MAST3: variants seen among roughly 807,000 people sequenced by gnomAD.
The protein encoded by MAST3 is microtubule associated serine/threonine kinase 3.
In MAST3, 43 loss-of-function variants were observed where a neutral mutation model predicts 127.0. That is an observed-to-expected ratio of 0.34 (90% CI 0.27 to 0.44). MAST3 has a LOEUF of 0.44. MAST3 is among the 20% of genes least tolerant of loss of function. MAST3 has a pLI of 1.00. For synonymous variants in MAST3, 785 were observed against 809.2 expected (o/e 0.97, Z 0.51); for missense variants, 1,390 against 1,919.1 (o/e 0.72, Z 5.15).
In MAST3 at chr19:18,120,020, C is replaced by T. The variant is rs181108640; in HGVS notation, c.162-1665C>T. ...GCAACTGCTCTGGTGGGGCGGGGGA[C>T]GGTGTCGCTCCCAACTTCCTTCTGT... is the stretch of plus-strand genomic sequence containing the variant. On this transcript the variant is annotated intron_variant, in intron 3 of 27. Coordinates refer to ENST00000687212, the MANE Select transcript of MAST3 (RefSeq NM_001393504.1). Among the ~76,000 whole-genome samples the T allele has an allele frequency of 3.9e-3, 600 of 152,198 alleles. 4 individuals carry two copies. The highest frequency in any genetic ancestry group is 6.8e-3 in the Middle Eastern group (2 of 294).
intron 1 of MAST3, among the ~76,000 whole-genome samples, chr19:18,104,692 CCT>C (rs1301908740): frequency 6.6e-6 from 1 of 152,062 alleles, no homozygotes; most frequent in Non-Finnish European, 1.5e-5. Flanking sequence ...CAGTTTCCTG[CCT>C]CTCACTCCAC....
In MAST3 at chr19:18,145,280, C is replaced by A; in HGVS notation, c.3039+51C>A. The A allele has an allele frequency of 1.9e-6, 3 of 1,544,366 alleles. No homozygotes were observed. The highest frequency in any genetic ancestry group is 2.7e-6 in the Non-Finnish European group (3 of 1,118,978). On this transcript the variant is annotated intron_variant, in intron 24 of 27. Coordinates refer to ENST00000687212, the MANE Select transcript of MAST3 (RefSeq NM_001393504.1). This position sits in a 1 kb window ranked among gnomAD's most constrained non-coding sequence, Gnocchi z 5.9. Reference sequence around the variant, plus strand: ...GACCCGGGTTCTAGTTTGACTCTGCCCGGTCATGTCCCTTCTCAGAGCTGC... The same window carrying A: ...GACCCGGGTTCTAGTTTGACTCTGCACGGTCATGTCCCTTCTCAGAGCTGC...
chr19:18,140,913 C>G (rs574159074), intron 20 of MAST3, among the ~76,000 whole-genome samples: 47 of 152,216 alleles, frequency 3.1e-4, no homozygotes, highest in African/African-American at 1.1e-3. Context: ...CCTGCCTCAG[C>G]CTCCCGAGTA....
chr19:18,122,035 C>T (rs2040042287), intron 5 of MAST3, 113 bp downstream of exon 5: 21 of 1,503,986 alleles, frequency 1.4e-5, no homozygotes, highest in Non-Finnish European at 1.8e-5. Context: ...CACCTTTTCC[C>T]CTCCCCTGGC....
intron 21 of MAST3, among the ~76,000 whole-genome samples, chr19:18,143,550 TG>T (rs2042733108): frequency 6.6e-6 from 1 of 152,028 alleles, no homozygotes; most frequent in Admixed American, 6.6e-5. Context: ...CACTTCAGCC[TG>T]GGTGACAGAG....
chr19:18,116,175 C>G (rs1296771985), intron 3 of MAST3, among the ~76,000 whole-genome samples: 1 of 145,640 alleles, frequency 6.9e-6, no homozygotes, highest in Admixed American at 7.1e-5. Context: ...CCCACTGCAA[C>G]CTCCACCTCC....
At chr19:18,118,265 C>T (rs1019276077) in intron 3 of MAST3, 1 of 985,160 alleles carries the variant, frequency 1.0e-6, no homozygotes, top group African/African-American at 1.7e-5. Context: ...GTAGGGGGCA[C>T]GGCGCCGGCG....
At position 18,129,936 on chromosome 19, in the gene MAST3, AAGGAAAG is replaced by A. The variant is rs1271761713; in HGVS notation, c.1224-556_1224-550del. 1.4e-3 allele frequency among the ~76,000 whole-genome samples: 99 copies of A among 71,556 alleles called. 4 individuals are homozygous for A. The highest frequency in any genetic ancestry group is 3.3e-5 in the Non-Finnish European group (1 of 30,700). 46.9% of individuals were successfully genotyped at this position (71,556 alleles called of 152,430 possible). On this transcript the variant is annotated intron_variant, in intron 13 of 27. Coordinates refer to ENST00000687212, the MANE Select transcript of MAST3 (RefSeq NM_001393504.1). ...TGAGACCATCTCAAAAAAAAAAAAA[AAGGAAAG>A]AAAGAAAGAAAGAAATACACAAGCA...
intron 25 of MAST3, 149 bp downstream of exon 25, chr19:18,146,014 T>A (rs1231767119): frequency 9.8e-7 from 1 of 1,017,582 alleles, no homozygotes; most frequent in Non-Finnish European, 1.4e-6. Flanking sequence ...CGGCCCAGAA[T>A]ACATGTCCTT....
At chr19:18,124,593 C>T (rs779671953) in intron 10 of MAST3, 49 bp from the exon 11 acceptor site, 1 of 1,523,290 alleles carries the variant, frequency 6.6e-7, no homozygotes. Flanking sequence ...TGTGCAGAGG[C>T]CTGCAGGTGG....
In MAST3 at chr19:18,144,050, T is replaced by C; in HGVS notation, c.2584+43T>C. ...TAAGAGGGATGATGTCATGGAAGTT[T>C]CCCAGAGGAGGGGCTATTTGAGATG... On this transcript the variant is annotated intron_variant, in intron 22 of 27. Transcript: ENST00000687212. The surrounding 1 kb of genome is among the most constrained non-coding windows in gnomAD (Gnocchi z 4.0). 6.5e-7 allele frequency: 1 copy of C among 1,544,028 alleles called. No individual in the cohort carries two copies.
At chr19:18,105,982 G>A (rs1209966346) in intron 1 of MAST3, among the ~76,000 whole-genome samples, 2 of 152,164 alleles carry the variant, frequency 1.3e-5, no homozygotes, top group Non-Finnish European at 2.9e-5. Flanking sequence ...ATGGGACAGG[G>A]AGAGGACAAC....
At chr19:18,148,914 T>A (rs1178855852) in intron 27 of MAST3, among the ~76,000 whole-genome samples, 1 of 122,312 alleles carries the variant, frequency 8.2e-6, no homozygotes, top group East Asian at 2.4e-4. Flanking sequence ...AAAAAAAAAA[T>A]TAGCCAGCCA....
At position 18,145,181 on chromosome 19, in the gene MAST3, C is replaced by T. The variant is rs751398750; in HGVS notation, c.2991C>T (p.Arg997=). The T allele has an allele frequency of 2.6e-5, 42 of 1,613,918 alleles. No homozygotes were observed. Among genetic ancestry groups the T allele is most frequent in the Non-Finnish European group, 3.1e-5 (37 of 1,179,892 alleles). Residue 997 remains arginine, a synonymous_variant, in exon 24 of 28, where the codon CGC becomes CGT. Coordinates refer to ENST00000687212, the MANE Select transcript of MAST3 (RefSeq NM_001393504.1). This position sits in a 1 kb window ranked among gnomAD's most constrained non-coding sequence, Gnocchi z 5.9. ...KKYGFSLRAI[R]VYMGDSDVYT... ...ACGGCTTCAGCCTGCGGGCGATCCG[C>T]GTCTACATGGGTGATAGCGACGTCT... is the stretch of plus-strand genomic sequence containing the variant.
chr19:18,146,683 A>ATCTTAGCAGGAGGGG (rs1487033762), intron 25 of MAST3, among the ~76,000 whole-genome samples, 198 bp from the exon 26 acceptor site: 3 of 152,064 alleles, frequency 2.0e-5, no homozygotes, highest in Admixed American at 6.6e-5. Flanking sequence ...AGAGGGAAGG[A>ATCTTAGCAGGAGGGG]TCTTAGCAGG....
chr19:18,109,840 T>C, intron 2 of MAST3: 1 of 643,944 alleles, frequency 1.6e-6, no homozygotes, highest in Non-Finnish European at 1.9e-6. Context: ...GGATGCGGGG[T>C]TGGGGAGTTG....
At chr19:18,134,382 CA>C (rs1409651015) in intron 15 of MAST3, among the ~76,000 whole-genome samples, 196 bp from the exon 16 acceptor site, 2 of 151,912 alleles carry the variant, frequency 1.3e-5, no homozygotes, top group Non-Finnish European at 2.9e-5. Context: ...CTTATGTCTA[CA>C]AAAAAAACCT....
intron 26 of MAST3, 103 bp from the exon 27 acceptor site, chr19:18,147,340 T>C: frequency 1.9e-6 from 2 of 1,030,070 alleles, no homozygotes; most frequent in Middle Eastern, 4.2e-4. Context: ...TGACCTTAAA[T>C]GATCCATCTG....
At position 18,142,996 on chromosome 19, in the gene MAST3, C is replaced by T. The variant is rs1274992047; in HGVS notation, c.2340-767C>T. ...GCATAGTGGTGCACGCCTGTAATCC[C>T]AGCTACTTGGGAGGCTTAGGCACGA... is the stretch of plus-strand genomic sequence containing the variant. On this transcript the variant is annotated intron_variant, in intron 21 of 27. Coordinates refer to ENST00000687212, the MANE Select transcript of MAST3 (RefSeq NM_001393504.1). 2.6e-5 allele frequency among the ~76,000 whole-genome samples: 4 copies of T among 151,864 alleles called. No individual in the cohort carries two copies. In the East Asian group the frequency reaches 7.9e-4, roughly 30 times the overall value.
Sources: allele counts gnomAD v4.1 joint callset (sites outside exome capture counted in the v4.1 genomes callset), GRCh38; gene constraint gnomAD v4.1.1; non-coding constraint Gnocchi (gnomAD v3.1); transcripts MANE v1.5; gene names NCBI Gene and HGNC (gene_info 2026-07-23, HGNC 2026-07-21).